Variants in TENM4 observed in about 807,000 individuals in gnomAD.
The protein encoded by TENM4 is teneurin transmembrane protein 4, also known as teneurin-4.
TENM4 carries 82 observed loss-of-function variants against 243.3 expected under a neutral mutation model. That is an observed-to-expected ratio of 0.34 (90% CI 0.28 to 0.40). TENM4 has a LOEUF of 0.40. TENM4 is among the 10% of genes least tolerant of loss of function. The pLI is 1.00. For synonymous variants in TENM4, 1,412 were observed against 1,456.3 expected (o/e 0.97, Z 0.69); for missense variants, 3,138 against 3,673.3 (o/e 0.85, Z 3.77).
chr11:78,873,858 G>A (rs1283557346), intron 9 of TENM4, among the ~76,000 whole-genome samples: 4 of 151,986 alleles, frequency 2.6e-5, no homozygotes, highest in African/African-American at 9.7e-5. Flanking sequence ...TCTTGAGCCT[G>A]CCTGGCCATC....
At chr11:79,019,366 G>T (rs939612112) in intron 6 of TENM4, among the ~76,000 whole-genome samples, 1 of 152,108 alleles carries the variant, frequency 6.6e-6, no homozygotes, top group Non-Finnish European at 1.5e-5. Flanking sequence ...AGGAAAAATG[G>T]CTACAGTGGA....
At chr11:78,687,787 G>A (rs1050091174) in intron 29 of TENM4, among the ~76,000 whole-genome samples, 4 of 152,272 alleles carry the variant, frequency 2.6e-5, no homozygotes, top group South Asian at 2.1e-4. Flanking sequence ...GCAGAATAGC[G>A]AGGTCACCTG....
intron 9 of TENM4, among the ~76,000 whole-genome samples, chr11:78,885,192 C>T (rs2136282011): frequency 6.6e-6 from 1 of 152,292 alleles, no homozygotes; most frequent in South Asian, 2.1e-4. Flanking sequence ...CTCATGTAAC[C>T]TGCACAACAG....
intron 1 of TENM4, among the ~76,000 whole-genome samples, chr11:79,306,091 G>A (rs534869091): frequency 6.6e-6 from 1 of 152,346 alleles, no homozygotes; most frequent in South Asian, 2.1e-4. Flanking sequence ...GGGTGACTGG[G>A]CTGCTGCCCT....
chr11:78,933,177 CAGTGCTTCTCCCTGGGACA>C (rs1167101928), intron 6 of TENM4, among the ~76,000 whole-genome samples: 2 of 152,054 alleles, frequency 1.3e-5, no homozygotes, highest in Non-Finnish European at 2.9e-5. Flanking sequence ...AAAGGCTGCC[CAGTGCTTCTCCCTGGGACA>C]AGTGAGAATC....
Position 78,805,351 on chromosome 11 carries a change from A to G in TENM4, c.2120T>C (p.Leu707Pro). The G allele has an allele frequency of 7.0e-7, 1 of 1,435,258 alleles. No homozygotes were observed. Among genetic ancestry groups the G allele is most frequent in the Non-Finnish European group, 9.4e-7 (1 of 1,069,410 alleles). The allele number at this position is 1,435,258 out of a possible 1,614,324, so 88.9% of individuals were successfully genotyped here. A position where few individuals can be genotyped will look rare whatever the true frequency, so the allele number is the denominator to read the frequency against. Residue 707 changes from leucine to proline, a missense_variant, in exon 15 of 34, where the codon CTC becomes CCC. This residue lies in a region of TENM4 where 2,467 missense variants were observed against 3,059.1 expected (regional missense o/e 0.81). Transcript: ENST00000278550. Reference sequence around the variant, plus strand: ...ACAGCTGCAAAGCCCGGTGTCCGGGAGGAAGGTTCCGTGGCCTGAACACTG... The same window carrying G: ...ACAGCTGCAAAGCCCGGTGTCCGGGGGGAAGGTTCCGTGGCCTGAACACTG... Reference protein sequence around the residue: ...LDQCSGHGTFLPDTGLCSCDP... With the variant: ...LDQCSGHGTFPPDTGLCSCDP...
At chr11:79,264,254 T>C (rs1038926278) in intron 2 of TENM4, among the ~76,000 whole-genome samples, 2 of 152,180 alleles carry the variant, frequency 1.3e-5, no homozygotes, top group Admixed American at 6.5e-5. Flanking sequence ...GCTCAACATC[T>C]ATCTTTTGGC....
intron 15 of TENM4, among the ~76,000 whole-genome samples, chr11:78,801,980 A>G (rs569792145): frequency 4.6e-5 from 7 of 152,346 alleles, no homozygotes; most frequent in African/African-American, 1.7e-4. Context: ...AAGTAATTTT[A>G]CCTAAGGGAA....
chr11:79,245,938 T>TAAAAAAA (rs1199883938), intron 2 of TENM4, among the ~76,000 whole-genome samples: 3 of 64,886 alleles, frequency 4.6e-5, no homozygotes, highest in Non-Finnish European at 6.3e-5. Flanking sequence ...AGACTTTGTC[T>TAAAAAAA]AAAAAAAAAA....
intron 3 of TENM4, among the ~76,000 whole-genome samples, chr11:79,151,731 G>C (rs565361286): frequency 2.5e-4 from 38 of 152,196 alleles, no homozygotes; most frequent in African/African-American, 8.7e-4. Context: ...AACAGGCACA[G>C]ATGAACCTAG....
chr11:79,273,823 C>G (rs1856008867), intron 2 of TENM4, among the ~76,000 whole-genome samples: 1 of 152,194 alleles, frequency 6.6e-6, no homozygotes, highest in South Asian at 2.1e-4. Context: ...CAGCCCTGAG[C>G]TTATTAGATT....
intron 1 of TENM4, among the ~76,000 whole-genome samples, chr11:79,344,275 T>C (rs1372272037): frequency 1.3e-5 from 2 of 152,160 alleles, no homozygotes; most frequent in African/African-American, 4.8e-5. Context: ...GAGGGGGTGC[T>C]CAAAGCATGA....
chr11:79,116,912 G>C (rs1591294928), intron 4 of TENM4, among the ~76,000 whole-genome samples: 1 of 152,256 alleles, frequency 6.6e-6, no homozygotes, highest in East Asian at 1.9e-4. Context: ...GCTTAGCATG[G>C]ATCCTGCACA....
At chr11:78,832,201 T>C (rs1433170066) in intron 12 of TENM4, among the ~76,000 whole-genome samples, 2 of 152,244 alleles carry the variant, frequency 1.3e-5, no homozygotes, top group South Asian at 2.1e-4. Flanking sequence ...CTTTCCTTTC[T>C]TCCTATCCAA....
intron 6 of TENM4, chr11:78,903,905 G>A (rs1021167342): frequency 1.2e-5 from 6 of 509,348 alleles, no homozygotes; most frequent in Non-Finnish European, 2.3e-5. Context: ...ACTTGTTAGA[G>A]ATGAAAATAA....
chr11:78,882,575 A>G (rs1855455028), intron 9 of TENM4, among the ~76,000 whole-genome samples: 1 of 152,226 alleles, frequency 6.6e-6, no homozygotes, highest in African/African-American at 2.4e-5. Flanking sequence ...TATGTCTTCT[A>G]ACTGAATTGC....
At chr11:79,425,362 C>T (rs1214087382) in intron 1 of TENM4, among the ~76,000 whole-genome samples, 1 of 152,186 alleles carries the variant, frequency 6.6e-6, no homozygotes, top group Non-Finnish European at 1.5e-5. Flanking sequence ...CACAAGCTGT[C>T]TAATCTCTTC....
At chr11:79,155,312 C>G (rs1257674933) in intron 3 of TENM4, among the ~76,000 whole-genome samples, 1 of 151,984 alleles carries the variant, frequency 6.6e-6, no homozygotes, top group Non-Finnish European at 1.5e-5. Flanking sequence ...AAGCTTCCAG[C>G]CTTGAGCTTT....
chr11:79,084,788 G>T (rs996776123), intron 4 of TENM4, among the ~76,000 whole-genome samples: 2 of 146,054 alleles, frequency 1.4e-5, no homozygotes, highest in Middle Eastern at 3.5e-3. Flanking sequence ...AATGTTCGTT[G>T]TCTTGACTGC....
Sources: gnomAD v4.1 joint callset for allele counts (sites outside exome capture counted in the v4.1 genomes callset) on GRCh38, gnomAD v4.1.1 for gene constraint, gnomAD v4.1.1 regional missense constraint, MANE v1.5 for transcripts, NCBI Gene and HGNC (gene_info 2026-07-23, HGNC 2026-07-21) for gene names.